The following HDGFL2 variants were observed in gnomAD, a reference collection of about 807,000 sequenced individuals.
The protein encoded by HDGFL2 is HDGF like 2.
A neutral mutation model predicts 77.1 loss-of-function variants in HDGFL2; 36 were observed. That is an observed-to-expected ratio of 0.47 (90% CI 0.36 to 0.62). The LOEUF is 0.62. Among genes scored for constraint, HDGFL2 ranks in the 20% least tolerant of loss-of-function variants. HDGFL2 has a pLI of 0.00. For synonymous variants in HDGFL2, 463 were observed against 413.1 expected, an observed-to-expected ratio of 1.12 and a Z score of -1.46; for missense variants, 976 against 973.4, an observed-to-expected ratio of 1.00 and a Z score of -0.04.
intron 15 of HDGFL2, 123 bp downstream of exon 15, chr19:4,501,440 C>A: frequency 8.4e-7 from 1 of 1,189,142 alleles, no homozygotes; most frequent in African/African-American, 1.6e-5. Context: ...GTCGTCCTTA[C>A]TCGGGCCTCC....
chr19:4,491,269 A>ACCCCCCCC (rs1975502609), intron 4 of HDGFL2, among the ~76,000 whole-genome samples: 6 of 19,408 alleles, frequency 3.1e-4, no homozygotes, highest in Non-Finnish European at 5.1e-4. Flanking sequence ...CCACCCCCCC[A>ACCCCCCCC]CCCCCCCACC....
At chr19:4,498,104 G>A (rs1975756771) in intron 11 of HDGFL2, 73 bp downstream of exon 11, 6 of 1,313,210 alleles carry the variant, frequency 4.6e-6, no homozygotes, top group Non-Finnish European at 6.4e-6. Flanking sequence ...GGCGTGGCTG[G>A]CCTGTCCCGC....
At chr19:4,484,695 G>T (rs1233832050) in intron 3 of HDGFL2, among the ~76,000 whole-genome samples, 2 of 23,084 alleles carry the variant, frequency 8.7e-5, no homozygotes, top group African/African-American at 2.1e-4. Context: ...TTTTTGACAC[G>T]GAGTCTTGCT....
intron 3 of HDGFL2, among the ~76,000 whole-genome samples, chr19:4,484,010 T>C (rs1477179025): frequency 7.3e-5 from 11 of 151,620 alleles, no homozygotes; most frequent in African/African-American, 2.7e-4. Flanking sequence ...AGGATGGTCT[T>C]GATCTCCTGA....
intron 3 of HDGFL2, among the ~76,000 whole-genome samples, chr19:4,478,206 T>TTG (rs1555685135): frequency 1.4e-3 from 214 of 151,528 alleles, no homozygotes; most frequent in Admixed American, 2.4e-3. Flanking sequence ...TGTTTTTTTT[T>TTG]TTTTGTTTTT....
rs757054860 is a variant in HDGFL2, at chr19:4,494,284, CAGGAGAAGG to C, written c.1045_1053del (p.Glu349_Glu351del). On this transcript the variant is annotated inframe_deletion, in exon 9 of 16. Coordinates refer to ENST00000616600, the MANE Select transcript of HDGFL2 (RefSeq NM_001001520.3). ...GGAGGAGCTGCGGCGCCTGCGGGAG[CAGGAGAAGG>C]AGGAGAAGGAGCGGAGGCGCGAGCG... 4.1e-6 allele frequency: 6 copies of C among 1,450,270 alleles called. No homozygotes were observed. In the South Asian group the frequency reaches 4.3e-5, roughly 10 times the overall value. 89.8% of individuals were successfully genotyped at this position (1,450,270 alleles called of 1,614,324 possible). A position where few individuals can be genotyped will look rare whatever the true frequency, so the allele number is the denominator to read the frequency against.
chr19:4,488,650 C>T (rs1406450599), intron 3 of HDGFL2, 26 bp from the exon 4 acceptor site: 32 of 1,532,194 alleles, frequency 2.1e-5, no homozygotes, highest in Non-Finnish European at 2.8e-5. Flanking sequence ...GGTGGTGACG[C>T]GCGTTCTCTG....
At position 4,498,929 on chromosome 19, in the gene HDGFL2, A is replaced by G. The variant is rs1183943463; in HGVS notation, c.1575+14A>G. The G allele has an allele frequency of 5.8e-6, 9 of 1,564,572 alleles. No individual in the cohort carries two copies. Among genetic ancestry groups the G allele is most frequent in the African/African-American group, 1.4e-5 (1 of 73,804 alleles). ...ACCTTGAAGAAGGTATGGCGGGGGAATCAGAGGCGCAGGGTGCAGTCGGGG... is the reference window on the plus strand; with the variant it reads ...ACCTTGAAGAAGGTATGGCGGGGGAGTCAGAGGCGCAGGGTGCAGTCGGGG... On this transcript the variant is annotated intron_variant, in intron 13 of 15. Coordinates refer to ENST00000616600, the MANE Select transcript of HDGFL2 (RefSeq NM_001001520.3).
At position 4,488,723 on chromosome 19, in the gene HDGFL2, C is replaced by T. The variant is rs371059610; in HGVS notation, c.336C>T (p.Asp112=). Residue 112 remains aspartate, a synonymous_variant, in exon 4 of 16, where the codon GAC becomes GAT. Coordinates refer to ENST00000616600, the MANE Select transcript of HDGFL2 (RefSeq NM_001001520.3). ...AGGCCCCCGAGGCCAACCCCGCCGA[C>T]GGCAGTGACGCTGACGAGGACGATG... ...DSEAPEANPA[D]GSDADEDDED... 3.2e-5 allele frequency: 49 copies of T among 1,553,582 alleles called. No homozygotes were observed. The highest frequency in any genetic ancestry group is 5.8e-5 in the Admixed American group (3 of 51,516).
chr19:4,499,964 T>C (rs10419571), intron 14 of HDGFL2, among the ~76,000 whole-genome samples: 50,938 of 152,048 alleles, frequency 0.34, 8,876 homozygotes, highest in East Asian at 0.57. Flanking sequence ...ACGGGGACAG[T>C]GCATGACAGC....
chr19:4,498,055 G>A, intron 11 of HDGFL2, 24 bp downstream of exon 11: 3 of 1,543,454 alleles, frequency 1.9e-6, no homozygotes, highest in Non-Finnish European at 2.6e-6. Flanking sequence ...GCCCAGCACT[G>A]CCCACACTGA....
intron 9 of HDGFL2, 55 bp from the exon 10 acceptor site, chr19:4,496,247 G>A (rs1404083919): frequency 1.4e-6 from 2 of 1,431,496 alleles, no homozygotes; most frequent in Non-Finnish European, 2.0e-6. Flanking sequence ...TGGGCTAGGG[G>A]TCTGGGTAAT....
Position 4,498,314 on chromosome 19 carries a change from G to T in HDGFL2, c.1411G>T (p.Val471Leu), listed in dbSNP as rs779077438. 1 of 1,613,308 alleles carries T rather than the reference G, an allele frequency of 6.2e-7. No individual in the cohort carries two copies. The highest frequency in any genetic ancestry group is 8.5e-7 in the Non-Finnish European group (1 of 1,179,864). ...TCTCTCTCCTGGCCCAGAGCCCTCCGTGGAGGAGAAGCTGCAGAAGCTGCA... is the reference window on the plus strand; with the variant it reads ...TCTCTCTCCTGGCCCAGAGCCCTCCTTGGAGGAGAAGCTGCAGAAGCTGCA... Reference protein sequence around the residue: ...RKVEKKKEPSVEEKLQKLHSE... With the variant: ...RKVEKKKEPSLEEKLQKLHSE... The change falls in exon 12 of 16, where the codon GTG becomes TTG. Residue 471 changes from valine to leucine, a missense_variant. By Grantham distance (32) the Val-to-Leu change is conservative (BLOSUM62 1). Around this residue, in one of 5 missense-constraint regions of HDGFL2, gnomAD observed 567 missense variants for 534.7 expected, o/e 1.06. Transcript: ENST00000616600.
chr19:4,484,823 C>T (rs1369966952), intron 3 of HDGFL2, among the ~76,000 whole-genome samples: 1 of 152,122 alleles, frequency 6.6e-6, no homozygotes, highest in Admixed American at 6.6e-5. Context: ...AGGCACCCGC[C>T]ACCATGCCCA....
intron 3 of HDGFL2, among the ~76,000 whole-genome samples, chr19:4,482,486 G>C (rs1975246448): frequency 6.6e-6 from 1 of 152,120 alleles, no homozygotes; most frequent in Non-Finnish European, 1.5e-5. Context: ...GGGATTATAG[G>C]CGTGAGCCAC....
chr19:4,498,573 C>T (rs1190729044), intron 12 of HDGFL2, among the ~76,000 whole-genome samples, 197 bp downstream of exon 12: 1 of 152,074 alleles, frequency 6.6e-6, no homozygotes, highest in African/African-American at 2.4e-5. Context: ...ATGCAGCACC[C>T]AGCTTTCCCG....
intron 3 of HDGFL2, among the ~76,000 whole-genome samples, chr19:4,486,967 T>C (rs1975378575): frequency 6.7e-6 from 1 of 148,528 alleles, no homozygotes; most frequent in South Asian, 2.1e-4. Context: ...CTCTCCTCTC[T>C]CTCTCTTTTT....
intron 7 of HDGFL2, 35 bp downstream of exon 7, chr19:4,493,897 GC>G: frequency 6.6e-7 from 1 of 1,511,812 alleles, no homozygotes; most frequent in South Asian, 1.3e-5. Flanking sequence ...TCTTGGCCTG[GC>G]CCCTGCCGGG....
At chr19:4,475,187 G>A in intron 1 of HDGFL2, 88 bp from the exon 2 acceptor site, 1 of 1,147,720 alleles carries the variant, frequency 8.7e-7, no homozygotes, top group Non-Finnish European at 1.3e-6. Context: ...TCCTCCCAGC[G>A]TGATTTGCCC....
Sources: allele counts gnomAD v4.1 joint callset (sites outside exome capture counted in the v4.1 genomes callset), GRCh38; gene constraint gnomAD v4.1.1; regional missense constraint gnomAD v4.1.1; transcripts MANE v1.5; gene names NCBI Gene and HGNC (gene_info 2026-07-23, HGNC 2026-07-21).